L3MBTL4: variants seen among roughly 807,000 people sequenced by gnomAD.
L3MBTL4 encodes lethal(3)malignant brain tumor-like protein 4.
In L3MBTL4, 70 loss-of-function variants were observed where a neutral mutation model predicts 84.5. The observed-to-expected ratio is 0.83, with a 90% CI of 0.68 to 1.01. L3MBTL4 has a LOEUF of 1.01. L3MBTL4 is among the 50% of genes least tolerant of loss of function. The probability of loss-of-function intolerance (pLI) is 0.00; values close to 1 mark genes in which losing one functional copy is unlikely to be tolerated. For missense variants in L3MBTL4, 715 were observed against 754.8 expected, an observed-to-expected ratio of 0.95 and a Z score of 0.62; for synonymous variants, 274 against 259.8, an observed-to-expected ratio of 1.05 and a Z score of -0.52.
chr18:6,003,488 G>T (rs1165641276), intron 16 of L3MBTL4, among the ~76,000 whole-genome samples: 5 of 151,840 alleles, frequency 3.3e-5, no homozygotes, highest in African/African-American at 1.2e-4. Flanking sequence ...CTCAATAATG[G>T]ATAGATCAAC....
At chr18:6,361,896 G>T (rs924660751) in intron 1 of L3MBTL4, among the ~76,000 whole-genome samples, 1 of 151,890 alleles carries the variant, frequency 6.6e-6, no homozygotes, top group African/African-American at 2.4e-5. Flanking sequence ...CAGGGTGACC[G>T]CTTGACTCCA....
chr18:6,342,361 A>G (rs1450616187), intron 1 of L3MBTL4, among the ~76,000 whole-genome samples: 1 of 152,192 alleles, frequency 6.6e-6, no homozygotes, highest in Non-Finnish European at 1.5e-5. Context: ...AAAGTTGTAA[A>G]ATATCCGAAT....
chr18:6,072,543 T>G (rs995551662), intron 16 of L3MBTL4, among the ~76,000 whole-genome samples: 3 of 151,892 alleles, frequency 2.0e-5, no homozygotes, highest in African/African-American at 7.2e-5. Context: ...GGTGCATATA[T>G]TAAAATATAT....
At chr18:6,309,134 A>G (rs1233232238) in intron 3 of L3MBTL4, among the ~76,000 whole-genome samples, 1 of 152,194 alleles carries the variant, frequency 6.6e-6, no homozygotes, top group African/African-American at 2.4e-5. Flanking sequence ...GATGTTATTT[A>G]GTTGACTAGA....
intron 5 of L3MBTL4, among the ~76,000 whole-genome samples, chr18:6,252,040 G>T (rs200947816): frequency 6.6e-6 from 1 of 152,202 alleles, no homozygotes; most frequent in Non-Finnish European, 1.5e-5. Context: ...GGCCGGGCAC[G>T]GTGGCTCACG....
chr18:6,312,175 G>A (rs1486732555), intron 1 of L3MBTL4, 119 bp from the exon 2 acceptor site: 1 of 152,226 alleles, frequency 6.6e-6, no homozygotes, highest in Admixed American at 6.5e-5. Flanking sequence ...ATTTTTTACA[G>A]GGCAGGCCAA....
intron 5 of L3MBTL4, among the ~76,000 whole-genome samples, chr18:6,261,844 G>A (rs909360272): frequency 6.6e-6 from 1 of 152,200 alleles, no homozygotes; most frequent in African/African-American, 2.4e-5. Context: ...GAGATGTGGG[G>A]CAACACAGGA....
At chr18:6,256,770 T>A (rs537815521) in intron 5 of L3MBTL4, 1 of 152,270 alleles carries the variant, frequency 6.6e-6, no homozygotes, top group South Asian at 2.1e-4. Flanking sequence ...ACAGTGGGTT[T>A]CCCGCTGGGC....
chr18:6,248,692 A>G lies in L3MBTL4; in HGVS notation c.220-4104T>C, dbSNP rs545079892. 1.8e-4 allele frequency among the ~76,000 whole-genome samples: 27 copies of G among 152,266 alleles called. 1 individual carries two copies. The South Asian group carries it at 5.4e-3, about 30-fold the overall frequency. ...TTTCTCACACAAAAGGCAGCATACT[A>G]TACATGCTCTTTTGCACGTGGCTTT... is the stretch of plus-strand genomic sequence containing the variant. On this transcript the variant is annotated intron_variant, in intron 5 of 18. Coordinates refer to ENST00000317931, the MANE Select transcript of L3MBTL4 (RefSeq NM_001330559.2).
At chr18:5,977,130 C>T (rs2052977444) in intron 16 of L3MBTL4, among the ~76,000 whole-genome samples, 1 of 152,174 alleles carries the variant, frequency 6.6e-6, no homozygotes, top group Non-Finnish European at 1.5e-5. Flanking sequence ...GAGAAGTGGT[C>T]CCTCTGCACT....
chr18:6,329,961 G>A (rs930934712), intron 1 of L3MBTL4, among the ~76,000 whole-genome samples: 3 of 152,086 alleles, frequency 2.0e-5, no homozygotes, highest in African/African-American at 7.2e-5. Flanking sequence ...CATAATGTTT[G>A]TGACACCCAT....
chr18:6,200,914 A>T lies in L3MBTL4; in HGVS notation c.981+12235T>A, dbSNP rs150385599. On this transcript the variant is annotated intron_variant, in intron 12 of 18. Coordinates refer to ENST00000317931, the MANE Select transcript of L3MBTL4 (RefSeq NM_001330559.2). ...CACATTTGTTTTGCATAAGGAATAA[A>T]TAATCCTTAATAAACAGTAATTTGC... Among the ~76,000 whole-genome samples the T allele has an allele frequency of 2.6e-3, 399 of 152,322 alleles. 2 individuals are homozygous for T. Among genetic ancestry groups the T allele is most frequent in the African/African-American group, 9.2e-3 (382 of 41,570 alleles).
intron 12 of L3MBTL4, 35 bp from the exon 13 acceptor site, chr18:6,171,977 T>C (rs1478712233): frequency 6.9e-6 from 7 of 1,018,336 alleles, no homozygotes; most frequent in Non-Finnish European, 8.8e-6. Context: ...TAGCATTTAG[T>C]AATTAGGATT....
rs1568324022 is a variant in L3MBTL4 at position 6,213,190 on chromosome 18, G to GA, written c.939dup (p.Arg314SerfsTer9). On this transcript the variant is annotated frameshift_variant, in exon 12 of 19. Coordinates refer to ENST00000317931, the MANE Select transcript of L3MBTL4 (RefSeq NM_001330559.2). LOFTEE classifies it high-confidence loss of function. ...TCAACATCTACAATCGTAGCAACAC[G>GA]AATTAACCTGGGGTTCCGTTTATCC... The GA allele has an allele frequency of 6.2e-7, 1 of 1,609,464 alleles. No individual in the cohort carries two copies. Among genetic ancestry groups the GA allele is most frequent in the Admixed American group, 1.7e-5 (1 of 59,296 alleles).
intron 14 of L3MBTL4, among the ~76,000 whole-genome samples, chr18:6,100,541 G>A (rs143009386): frequency 6.6e-6 from 1 of 152,206 alleles, no homozygotes; most frequent in Non-Finnish European, 1.5e-5. Flanking sequence ...TTGGTATAAT[G>A]AGTGATTTGG....
chr18:6,104,741 G>C (rs9630765), intron 14 of L3MBTL4, among the ~76,000 whole-genome samples: 1 of 152,000 alleles, frequency 6.6e-6, no homozygotes, highest in Non-Finnish European at 1.5e-5. Flanking sequence ...TACCACAATT[G>C]AGAAAAAGAA....
intron 1 of L3MBTL4, among the ~76,000 whole-genome samples, chr18:6,353,498 T>C (rs1019504740): frequency 6.6e-6 from 1 of 152,070 alleles, no homozygotes; most frequent in Non-Finnish European, 1.5e-5. Context: ...TCTTAAAAGA[T>C]TTTTACTATC....
At chr18:6,006,012 T>TA (rs35437965) in intron 16 of L3MBTL4, among the ~76,000 whole-genome samples, 74,573 of 148,828 alleles carry the variant, frequency 0.5, 20,233 homozygotes, top group Non-Finnish European at 0.65. Flanking sequence ...TACCATAATT[T>TA]AAAAAAAAAA....
At chr18:5,996,491 C>T (rs999190660) in intron 16 of L3MBTL4, among the ~76,000 whole-genome samples, 2 of 152,092 alleles carry the variant, frequency 1.3e-5, no homozygotes, top group Admixed American at 6.5e-5. Flanking sequence ...TAAGAAACAC[C>T]GATCTGGGCC....
Sources: gnomAD v4.1 joint callset for allele counts (sites outside exome capture counted in the v4.1 genomes callset) on GRCh38, gnomAD v4.1.1 for gene constraint, MANE v1.5 for transcripts, NCBI Gene and HGNC (gene_info 2026-07-23, HGNC 2026-07-21) for gene names.